The following MAF variants were observed in gnomAD, a reference collection of about 807,000 sequenced individuals.
The protein encoded by MAF is transcription factor Maf.
A neutral mutation model predicts 22.0 loss-of-function variants in MAF; 10 were observed. That is an observed-to-expected ratio of 0.45 (90% CI 0.28 to 0.77). The LOEUF (loss-of-function observed/expected upper bound fraction) is 0.77, where lower values mean the gene tolerates loss of function less well. Ranked by LOEUF, MAF falls within the 30% of genes least tolerant of loss-of-function variation. The pLI is 0.12. For missense variants in MAF, 544 were observed against 548.4 expected, an observed-to-expected ratio of 0.99 and a Z score of 0.08; for synonymous variants, 337 against 255.8, an observed-to-expected ratio of 1.32 and a Z score of -3.03.
At chr16:79,488,085 C>G in the MAF span, among the ~76,000 whole-genome samples, 1 of 152,186 alleles carries the variant, frequency 6.6e-6, no homozygotes, top group Non-Finnish European at 1.5e-5. Context: ...AAATCTGTCC[C>G]TGGAGACCTG....
At chr16:79,563,705 C>T in the MAF span, among the ~76,000 whole-genome samples, 4 of 151,744 alleles carry the variant, frequency 2.6e-5, no homozygotes, top group Admixed American at 2.6e-4. Context: ...TCTTATTGGA[C>T]AGCTATAGAT....
the MAF span, among the ~76,000 whole-genome samples, chr16:79,342,194 T>A: frequency 6.6e-6 from 1 of 152,132 alleles, no homozygotes; most frequent in African/African-American, 2.4e-5. Flanking sequence ...GGGGTCCCAA[T>A]CAGCTCTCTC....
the MAF span, among the ~76,000 whole-genome samples, chr16:79,579,910 G>T: frequency 6.6e-6 from 1 of 152,102 alleles, no homozygotes; most frequent in Non-Finnish European, 1.5e-5. Context: ...CATCTTGCAG[G>T]AACCACACAC....
chr16:79,260,497 C>CTATATCTATATCTATATCTA, the MAF span, among the ~76,000 whole-genome samples: 73 of 150,598 alleles, frequency 4.8e-4, no homozygotes, highest in South Asian at 1.5e-3. Context: ...ATATCTATAT[C>CTATATCTATATCTATATCTA]TATATCTATA....
chr16:79,429,785 T>C, the MAF span, among the ~76,000 whole-genome samples: 3 of 152,214 alleles, frequency 2.0e-5, no homozygotes, highest in African/African-American at 7.2e-5. Context: ...GACAGTTTAT[T>C]GGACCTGTGC....
At chr16:79,400,712 A>G in the MAF span, among the ~76,000 whole-genome samples, 47,145 of 152,206 alleles carry the variant, frequency 0.31, 8,134 homozygotes, top group Non-Finnish European at 0.4. Context: ...CTCTGCCTGC[A>G]AGGCGATTTG....
chr16:79,348,404 G>A, the MAF span, among the ~76,000 whole-genome samples: 7 of 152,192 alleles, frequency 4.6e-5, no homozygotes, highest in East Asian at 5.8e-4. Flanking sequence ...TCTCTTTAAA[G>A]AGTTTTAATC....
the MAF span, among the ~76,000 whole-genome samples, chr16:79,515,537 G>A: frequency 6.6e-6 from 1 of 152,224 alleles, no homozygotes; most frequent in Non-Finnish European, 1.5e-5. Context: ...TTAAGTAAGC[G>A]AGGCTAGGCT....
the MAF span, among the ~76,000 whole-genome samples, chr16:79,454,903 C>A: frequency 3.3e-5 from 5 of 151,990 alleles, no homozygotes; most frequent in Non-Finnish European, 7.4e-5. Flanking sequence ...TCGAGACCAG[C>A]CTGACCAACA....
the MAF span, among the ~76,000 whole-genome samples, chr16:79,252,549 G>T: frequency 6.6e-6 from 1 of 152,146 alleles, no homozygotes; most frequent in South Asian, 2.1e-4. Context: ...GAGTGCAGTA[G>T]CGCCATCTCA....
chr16:79,236,215 G>C, the MAF span, among the ~76,000 whole-genome samples: 7 of 152,066 alleles, frequency 4.6e-5, no homozygotes. Flanking sequence ...TTGTCCTCTT[G>C]ATACAGAGGA....
the MAF span, among the ~76,000 whole-genome samples, chr16:79,498,037 T>C: frequency 6.6e-6 from 1 of 152,200 alleles, no homozygotes; most frequent in Admixed American, 6.5e-5. Flanking sequence ...GGTAGGACTT[T>C]CCATTCCCTC....
At chr16:79,515,341 A>G in the MAF span, among the ~76,000 whole-genome samples, 1 of 152,314 alleles carries the variant, frequency 6.6e-6, no homozygotes, top group East Asian at 1.9e-4. Flanking sequence ...TGACTTTACT[A>G]CGGTGTGAAA....
At chr16:79,570,011 C>CTTT in the MAF span, among the ~76,000 whole-genome samples, 12 of 116,956 alleles carry the variant, frequency 1.0e-4, no homozygotes, top group African/African-American at 3.8e-4. Flanking sequence ...TGTCTTTGTT[C>CTTT]TTTTTTTTTT....
the MAF span, among the ~76,000 whole-genome samples, chr16:79,458,136 G>GTA: frequency 6.6e-6 from 1 of 151,772 alleles, no homozygotes; most frequent in Admixed American, 6.6e-5. Flanking sequence ...GTGTGTGTGT[G>GTA]TGTGTGTGTG....
rs146161866 is a variant in MAF at position 79,600,184 on chromosome 16, C to T, written c.-282G>A. 2,136 of 374,616 alleles carry T rather than the reference C, an allele frequency of 5.7e-3. 47 individuals carry two copies. The highest frequency in any genetic ancestry group is 0.041 in the African/African-American group (1,921 of 47,108). The allele number at this position is 374,616 out of a possible 1,614,324, so 23.2% of individuals were successfully genotyped here. A position where few individuals can be genotyped will look rare whatever the true frequency, so the allele number is the denominator to read the frequency against. On this transcript the variant is annotated 5_prime_UTR_variant, in exon 1 of 2. Transcript: ENST00000326043. ...CTTGCTCGCTCGCCTCCTTGCGCGC[C>T]GAGCCGGCGGCTTCAGGCTCGGGAA...
At chr16:79,512,566 C>T in the MAF span, among the ~76,000 whole-genome samples, 4 of 152,170 alleles carry the variant, frequency 2.6e-5, no homozygotes, top group Non-Finnish European at 4.4e-5. Context: ...AGCTGACTCT[C>T]TTCTGAGAAG....
the MAF span, among the ~76,000 whole-genome samples, chr16:79,532,523 G>A: frequency 3.9e-5 from 6 of 152,142 alleles, no homozygotes; most frequent in Non-Finnish European, 5.9e-5. Flanking sequence ...GACTGTTCTC[G>A]ACTCCGGAGA....
the MAF span, among the ~76,000 whole-genome samples, chr16:79,303,975 C>A: frequency 6.6e-6 from 1 of 152,180 alleles, no homozygotes; most frequent in Non-Finnish European, 1.5e-5. Flanking sequence ...AAAGAATATG[C>A]CTGGCTCCAA....
Sources: allele counts gnomAD v4.1 joint callset (sites outside exome capture counted in the v4.1 genomes callset), GRCh38; gene constraint gnomAD v4.1.1; transcripts MANE v1.5; gene names NCBI Gene and HGNC (gene_info 2026-07-23, HGNC 2026-07-21).